TTN: variants seen among roughly 807,000 people sequenced by gnomAD.
The protein encoded by TTN is connectin.
In TTN, 1,525 loss-of-function variants were observed where a neutral mutation model predicts 3,223.0. The observed-to-expected ratio is 0.47, with a 90% confidence interval of 0.45 to 0.49. The LOEUF is 0.49. Ranked by LOEUF, TTN falls within the 20% of genes least tolerant of loss-of-function variation. The pLI is 0.00. For missense variants in TTN, 40,786 were observed against 43,424.0 expected (o/e 0.94, Z 5.40); for synonymous variants, 14,094 against 15,161.0 (o/e 0.93, Z 5.17).
At position 178,564,909 on chromosome 2, in the gene TTN, G is replaced by T; in HGVS notation, c.81223C>A (p.Pro27075Thr). The change falls in exon 326 of 363, where the codon CCA becomes ACA. Residue 27075 changes from proline (P) to threonine (T), a missense_variant. Physicochemically the swap from Pro to Thr is conservative, Grantham distance 38 (BLOSUM62 -1). Coordinates refer to ENST00000589042, the MANE Select transcript of TTN (RefSeq NM_001267550.2). ...GATGTCACAAAAGGAGTTCCAGGTGGTCCAGGTTCTTTAAATGGATATTGT... is the reference window on the plus strand; with the variant it reads ...GATGTCACAAAAGGAGTTCCAGGTGTTCCAGGTTCTTTAAATGGATATTGT... ...IVQYPFKEPG[P>T]PGTPFVTSIS... is the part of the protein sequence containing the mutation. 6.2e-7 allele frequency: 1 copy of T among 1,612,506 alleles called. No individual in the cohort carries two copies. The highest frequency in any genetic ancestry group is 1.1e-5 in the South Asian group (1 of 90,742).
Position 178,570,903 on chromosome 2 carries a change from A to G in TTN, c.75229T>C (p.Tyr25077His). 6.2e-7 allele frequency: 1 copy of G among 1,613,536 alleles called. No individual in the cohort carries two copies. Among genetic ancestry groups the G allele is most frequent in the East Asian group, 2.2e-5 (1 of 44,810 alleles). ...EVTGLVEDHR[Y>H]EFRVIARNAA... ...TTTCGGGCTATAACCCGGAACTCAT[A>G]TCTGTGATCTTCAACTAGGCCAGTT... The change falls in exon 326 of 363, where the codon TAT becomes CAT. Residue 25077 changes from tyrosine (Y) to histidine (H), a missense_variant. By Grantham distance (83) the Tyr-to-His change is moderately conservative (BLOSUM62 2). Transcript: ENST00000589042.
intron 109 of TTN, 133 bp downstream of exon 109, chr2:178,701,907 C>T: frequency 1.1e-6 from 1 of 937,686 alleles, no homozygotes; most frequent in African/African-American, 1.7e-5. Flanking sequence ...AATTCTACTG[C>T]ATAACAGTTT....
chr2:178,735,122 G>A (rs1004596496), intron 50 of TTN, 134 bp from the exon 51 acceptor site: 2 of 1,011,186 alleles, frequency 2.0e-6, no homozygotes, highest in African/African-American at 3.3e-5. Flanking sequence ...AAAAGCTGTG[G>A]TGCATTTAAT....
Position 178,533,527 on chromosome 2 carries a change from G to A in TTN, c.103088C>T (p.Pro34363Leu), listed in dbSNP as rs1457631231. Residue 34363 changes from proline (P) to leucine (L), a missense_variant, in exon 358 of 363, where the codon CCC becomes CTC. Pro to Leu is a moderately conservative substitution (Grantham distance 98). Coordinates refer to ENST00000589042, the MANE Select transcript of TTN (RefSeq NM_001267550.2). ...ATTTGCCAGTAACCTTTTGAACATG[G>A]GTCTTAAGGTACTATCTGTTGGAGG... is the stretch of plus-strand genomic sequence containing the variant. Reference protein sequence around the residue: ...HPPPTDSTLRPMFKRLLANAE... With the variant: ...HPPPTDSTLRLMFKRLLANAE... 1 of 1,613,640 alleles carries A rather than the reference G, an allele frequency of 6.2e-7. No homozygotes were observed. Among genetic ancestry groups the A allele is most frequent in the Non-Finnish European group, 8.5e-7 (1 of 1,179,768 alleles).
chr2:178,647,265 C>A, intron 214 of TTN, 116 bp downstream of exon 214: 1 of 1,286,524 alleles, frequency 7.8e-7, no homozygotes, highest in African/African-American at 1.5e-5. Flanking sequence ...TCAGATGACC[C>A]CCCAAATATC....
In TTN at chr2:178,779,369, C is replaced by T; in HGVS notation, c.3823G>A (p.Gly1275Arg). The change falls in exon 23 of 363, where the codon GGA becomes AGA. Residue 1275 changes from glycine (G) to arginine (R), a missense_variant. Gly to Arg is a moderately radical substitution (Grantham distance 125). Coordinates refer to ENST00000589042, the MANE Select transcript of TTN (RefSeq NM_001267550.2). ...TTLEELLEED[G>R]EEKMAVDISE... is the part of the protein sequence containing the mutation. ...ATGTCAACTGCCATCTTTTCTTCTC[C>T]ATCTTCTTCAAGAAGTTCTTCTAAT... is the stretch of plus-strand genomic sequence containing the variant. The T allele has an allele frequency of 6.2e-7, 1 of 1,608,236 alleles. No homozygotes were observed.
Position 178,539,241 on chromosome 2 carries a change from TTCTGGAGGA to T in TTN, c.98685_98693del (p.Asn32895_Glu32898delinsLys). ...GTACTTCTGGAGGATTGCTTGGAGG[TTCTGGAGGA>T]TCTGTAAATATAAGTGGAAAGCACA... On this transcript the variant is annotated inframe_deletion and splice_region_variant, in exon 353 of 363. Coordinates refer to ENST00000589042, the MANE Select transcript of TTN (RefSeq NM_001267550.2). The T allele has an allele frequency of 6.2e-7, 1 of 1,612,884 alleles. No homozygotes were observed. Among genetic ancestry groups the T allele is most frequent in the Non-Finnish European group, 8.5e-7 (1 of 1,179,086 alleles).
In TTN at chr2:178,735,672, C is replaced by G; in HGVS notation, c.14774G>C (p.Gly4925Ala). Residue 4925 changes from glycine (G) to alanine (A), a missense_variant, in exon 50 of 363, where the codon GGG becomes GCG. By Grantham distance (60) the Gly-to-Ala change is moderately conservative. Transcript: ENST00000589042. ...RKVTVTWSKD[G>A]QKLPPGKDYK... Reference sequence around the variant, plus strand: ...ATCTTTCCCTGGGGGGAGTTTTTGCCCATCTTTGCTCCACGTAACTGTGAC... The same window carrying G: ...ATCTTTCCCTGGGGGGAGTTTTTGCGCATCTTTGCTCCACGTAACTGTGAC... 6.2e-7 allele frequency: 1 copy of G among 1,613,686 alleles called. No homozygotes were observed. Among genetic ancestry groups the G allele is most frequent in the Non-Finnish European group, 8.5e-7 (1 of 1,179,764 alleles).
intron 48 of TTN, among the ~76,000 whole-genome samples, chr2:178,738,907 A>T (rs2081993449): frequency 6.6e-6 from 1 of 152,196 alleles, no homozygotes; most frequent in Non-Finnish European, 1.5e-5. Flanking sequence ...AAACATATGA[A>T]AATATGTTTT....
rs139517732 is a variant in TTN at position 178,802,273 on chromosome 2, C to T, written c.160G>A (p.Val54Met). ...QVISTSTLPG[V>M]QISFSDGRAK... is the part of the protein sequence containing the mutation. ...CGGCCATCGCTAAAGGAGATCTGCA[C>T]GCCGGGCAGAGTGGAAGTGGAAATC... Residue 54 changes from valine (V) to methionine (M), a missense_variant, in exon 3 of 363, where the codon GTG (valine) becomes ATG (methionine). Physicochemically the swap from Val to Met is conservative, Grantham distance 21. Transcript: ENST00000589042. The T allele has an allele frequency of 3.7e-5, 60 of 1,614,110 alleles. No individual in the cohort carries two copies. In the East Asian group the frequency reaches 1.1e-3, roughly 30 times the overall value.
Position 178,534,762 on chromosome 2 carries a change from T to G in TTN, c.101853A>C (p.Arg33951Ser), listed in dbSNP as rs761821275. The G allele has an allele frequency of 2.5e-6, 4 of 1,613,662 alleles. No individual in the cohort carries two copies. Among genetic ancestry groups the G allele is most frequent in the East Asian group, 4.5e-5 (2 of 44,878 alleles). ...ATTCTATGATTTTAATGGTAGAGCT[T>G]CTTCTGGTTTGGTAAATGATATTTT... ...RPENIIYQTR[R>S]SSTIKIIEFG... Residue 33951 changes from arginine to serine, a missense_variant, in exon 358 of 363, where the codon AGA becomes AGC. Physicochemically the swap from Arg to Ser is moderately radical, Grantham distance 110. Coordinates refer to ENST00000589042, the MANE Select transcript of TTN (RefSeq NM_001267550.2).
intron 350 of TTN, 150 bp downstream of exon 350, chr2:178,541,132 G>T (rs1694309818): frequency 2.7e-6 from 2 of 754,084 alleles, no homozygotes; most frequent in Non-Finnish European, 3.8e-6. Context: ...AACTTTACGG[G>T]GTAATAAAAA....
At chr2:178,750,222 C>A (rs770870896) in intron 47 of TTN, 1 of 1,613,184 alleles carries the variant, frequency 6.2e-7, no homozygotes. Context: ...AACACCAATG[C>A]TAACTCTTCT....
Position 178,734,926 on chromosome 2 carries a change from G to A in TTN, c.14998C>T (p.Arg5000Cys), listed in dbSNP as rs369933152. The change falls in exon 51 of 363, where the codon CGC (arginine) becomes TGC (cysteine). Residue 5000 changes from arginine to cysteine, a missense_variant. Arg to Cys is a radical substitution (Grantham distance 180, BLOSUM62 -3). Coordinates refer to ENST00000589042, the MANE Select transcript of TTN (RefSeq NM_001267550.2). ...SYLMLPGESA[R>C]LHCKLKGSPV... is the part of the protein sequence containing the mutation. The stretch of plus-strand genomic sequence containing the variant: ...GAGCCTTTCAGCTTGCAATGGAGGC[G>A]TGCTGATTCACCTGGGAGCATTAAA... 7.1e-5 allele frequency: 115 copies of A among 1,611,242 alleles called. 1 individual carries two copies. The African/African-American group carries it at 9.6e-4, about 13-fold the overall frequency.
In TTN at chr2:178,605,599, A is replaced by G. The variant is rs369723141; in HGVS notation, c.53696T>C (p.Ile17899Thr). The change falls in exon 279 of 363, where the codon ATT becomes ACT. Residue 17899 changes from isoleucine (I) to threonine (T), a missense_variant. Physicochemically the swap from Ile to Thr is moderately conservative, Grantham distance 89. Coordinates refer to ENST00000589042, the MANE Select transcript of TTN (RefSeq NM_001267550.2). ...NGGSPIQGYI[I>T]EKRRHDKPDF... is the part of the protein sequence containing the mutation. ...AGGTTTGTCATGACGCCGTTTTTCA[A>G]TGATATATCCTTGGATGGGACTGCC... 6.2e-7 allele frequency: 1 copy of G among 1,612,356 alleles called. No individual in the cohort carries two copies. The highest frequency in any genetic ancestry group is 8.5e-7 in the Non-Finnish European group (1 of 1,178,866).
chr2:178,749,077 A>C, intron 47 of TTN: 1 of 1,612,906 alleles, frequency 6.2e-7, no homozygotes, highest in Non-Finnish European at 8.5e-7. Context: ...GGGATTCTTC[A>C]TATACAATGG....
At chr2:178,693,774 A>G in intron 118 of TTN, 85 bp from the exon 119 acceptor site, 1 of 1,265,570 alleles carries the variant, frequency 7.9e-7, no homozygotes, top group Non-Finnish European at 1.1e-6. Flanking sequence ...AATAAAAATG[A>G]AAACAGAGAC....
Position 178,561,030 on chromosome 2 carries a change from C to T in TTN, c.85102G>A (p.Val28368Ile). 6.2e-7 allele frequency: 1 copy of T among 1,613,852 alleles called. No homozygotes were observed. The highest frequency in any genetic ancestry group is 1.6e-4 in the Middle Eastern group (1 of 6,062). ...MMDVKFRDVI[V>I]VKAGEVLKIN... ...TTAAGGACCTCTCCAGCTTTGACAA[C>T]AATAACGTCTCGGAACTTGACATCC... Residue 28368 changes from valine to isoleucine, a missense_variant, in exon 326 of 363, where the codon GTT (valine) becomes ATT (isoleucine). Physicochemically the swap from Val to Ile is conservative, Grantham distance 29. Transcript: ENST00000589042.
Position 178,759,205 on chromosome 2 carries a change from A to T in TTN, c.10115-33T>A, listed in dbSNP as rs767178446. ...ACAAAAGAAAAGAGATACTTCAACCACAAAAATGAGTGGATTTTTACAATT... is the reference window on the plus strand; with the variant it reads ...ACAAAAGAAAAGAGATACTTCAACCTCAAAAATGAGTGGATTTTTACAATT... On this transcript the variant is annotated intron_variant, in intron 43 of 362. Transcript: ENST00000589042. The T allele has an allele frequency of 1.6e-4, 251 of 1,611,258 alleles. 1 individual carries two copies. In the East Asian group the frequency reaches 5.6e-3, roughly 36 times the overall value.
Sources: gnomAD v4.1 joint callset for allele counts (sites outside exome capture counted in the v4.1 genomes callset) on GRCh38, gnomAD v4.1.1 for gene constraint, MANE v1.5 for transcripts, NCBI Gene and HGNC (gene_info 2026-07-23, HGNC 2026-07-21) for gene names.